The following ADCK5 variants were observed in gnomAD, a reference collection of about 807,000 sequenced individuals.
The protein encoded by ADCK5 is uncharacterized aarF domain-containing protein kinase 5.
A neutral mutation model predicts 64.9 loss-of-function variants in ADCK5; 43 were observed. The ratio of observed to expected loss-of-function variants is 0.66; its 90% CI spans 0.52 to 0.85. The LOEUF (loss-of-function observed/expected upper bound fraction) is 0.85. ADCK5 is among the 40% of genes least tolerant of loss of function. The probability of loss-of-function intolerance (pLI) is 0.00; values close to 1 mark genes in which losing one functional copy is unlikely to be tolerated. For synonymous variants in ADCK5, 434 were observed against 342.8 expected, an observed-to-expected ratio of 1.27 and a Z score of -2.94; for missense variants, 760 against 810.5, an observed-to-expected ratio of 0.94 and a Z score of 0.76.
Position 144,374,064 on chromosome 8 carries a change from CG to C in ADCK5, c.-29del, listed in dbSNP as rs1250394636. 1 of 1,245,988 alleles carries C rather than the reference CG, an allele frequency of 8.0e-7. No individual in the cohort carries two copies. The highest frequency in any genetic ancestry group is 1.6e-5 in the African/African-American group (1 of 64,490). 77.2% of individuals were successfully genotyped at this position (1,245,988 alleles called of 1,614,324 possible). On this transcript the variant is annotated 5_prime_UTR_variant, in exon 1 of 15. Coordinates refer to ENST00000308860, the MANE Select transcript of ADCK5 (RefSeq NM_174922.5). ...TGGGCTGCGAGACGCTAAGCGGCGC[CG>C]GGCGGGAGAAGAGCGGAGCAGTGGT...
Position 144,392,323 on chromosome 8 carries a change from C to T in ADCK5, c.1245C>T (p.His415=), listed in dbSNP as rs1554861135. 3.4e-5 allele frequency: 34 copies of T among 998,492 alleles called. No homozygotes were observed. The highest frequency in any genetic ancestry group is 4.5e-5 in the Non-Finnish European group (32 of 717,098). 61.9% of individuals were successfully genotyped at this position (998,492 alleles called of 1,614,324 possible). Residue 415 remains histidine, a synonymous_variant, in exon 12 of 15, where the codon CAC becomes CAT. Transcript: ENST00000308860. ...ILRDDAAMRA[H]AAALGVQDYL... is the part of the protein sequence containing the mutation. ...GGGACGACGCCGCCATGAGGGCGCA[C>T]GCAGCCGCACTGGGGGTGCAAGGTG...
chr8:144,373,832 G>C (rs1257116535), upstream of ADCK5: 2 of 367,134 alleles, frequency 5.4e-6, no homozygotes, highest in Non-Finnish European at 4.8e-6. Context: ...GGAATGCGCA[G>C]TGCGCCGAGG....
Position 144,379,496 on chromosome 8 carries a change from G to T in ADCK5, c.116+6G>T, listed in dbSNP as rs782754087. The T allele has an allele frequency of 1.9e-6, 3 of 1,593,582 alleles. No individual in the cohort carries two copies. The highest frequency in any genetic ancestry group is 1.1e-5 in the South Asian group (1 of 89,030). Reference sequence around the variant, plus strand: ...GTCAGGGGCCTTCCTCCAAGGTAACGAGTCCTCCACGGGCATGCGCCTCTC... The same window carrying T: ...GTCAGGGGCCTTCCTCCAAGGTAACTAGTCCTCCACGGGCATGCGCCTCTC... On this transcript the variant is annotated splice_donor_region_variant and intron_variant, in intron 2 of 14. Transcript: ENST00000308860.
Position 144,383,238 on chromosome 8 carries a change from G to T in ADCK5, c.266+8G>T, listed in dbSNP as rs1554858681. 3.2e-6 allele frequency: 5 copies of T among 1,561,760 alleles called. No individual in the cohort carries two copies. Among genetic ancestry groups the T allele is most frequent in the Non-Finnish European group, 4.3e-6 (5 of 1,152,644 alleles). On this transcript the variant is annotated splice_region_variant and intron_variant, in intron 3 of 14. Transcript: ENST00000308860. ...CATGGGGCGCTTTGGCAGGTAGGAGGGCCTGGCGGCAGGCAGGGGTTGCGG... is the reference window on the plus strand; with the variant it reads ...CATGGGGCGCTTTGGCAGGTAGGAGTGCCTGGCGGCAGGCAGGGGTTGCGG...
chr8:144,392,414 C>CCCCGA, intron 12 of ADCK5, 31 bp from the exon 13 acceptor site: 2 of 1,435,492 alleles, frequency 1.4e-6, no homozygotes, highest in Non-Finnish European at 1.8e-6. Context: ...CACTCAGAGC[C>CCCCGA]CCCTCCCTCC....
chr8:144,387,975 G>A (rs994446321), intron 3 of ADCK5, among the ~76,000 whole-genome samples: 56 of 146,744 alleles, frequency 3.8e-4, no homozygotes, highest in Non-Finnish European at 7.2e-4. Flanking sequence ...CAGGGGATCC[G>A]CCCGCCTTGG....
chr8:144,392,807 G>T lies in ADCK5; in HGVS notation c.1552G>T (p.Ala518Ser). Reference sequence around the variant, plus strand: ...CCGGGGCTGGAGCCGCCTGGCGGGCGCCACGTATCGGGGTGTCTACGGCAC... The same window carrying T: ...CCGGGGCTGGAGCCGCCTGGCGGGCTCCACGTATCGGGGTGTCTACGGCAC... The part of the protein sequence containing the change: ...AVRGWSRLAG[A>S]TYRGVYGTSL... Residue 518 changes from alanine (A) to serine (S), a missense_variant, in exon 14 of 15, where the codon GCC becomes TCC. Around this residue, in one of 2 missense-constraint regions of ADCK5, gnomAD observed 333 missense variants for 292.0 expected, o/e 1.14. Coordinates refer to ENST00000308860, the MANE Select transcript of ADCK5 (RefSeq NM_174922.5). 1.9e-6 allele frequency: 3 copies of T among 1,591,486 alleles called. No individual in the cohort carries two copies. Among genetic ancestry groups the T allele is most frequent in the Non-Finnish European group, 1.7e-6 (2 of 1,173,530 alleles).
chr8:144,376,578 G>A lies in ADCK5; in HGVS notation c.12+2471G>A, dbSNP rs1819375770. Among the ~76,000 whole-genome samples, 1 of 152,220 alleles carries A rather than the reference G, an allele frequency of 6.6e-6. No homozygotes were observed. The highest frequency in any genetic ancestry group is 2.4e-5 in the African/African-American group (1 of 41,444). Reference sequence around the variant, plus strand: ...AAACTGTTGTTGGAGACAGCAGTCAGCCAGCCATGACTTTCCTGGCCTCAC... The same window carrying A: ...AAACTGTTGTTGGAGACAGCAGTCAACCAGCCATGACTTTCCTGGCCTCAC... On this transcript the variant is annotated intron_variant, in intron 1 of 14. Coordinates refer to ENST00000308860, the MANE Select transcript of ADCK5 (RefSeq NM_174922.5). The surrounding 1 kb of genome is among the most constrained non-coding windows in gnomAD (Gnocchi z 5.1).
rs1337257231 is a variant in ADCK5 at position 144,391,810 on chromosome 8, G to A, written c.958G>A (p.Gly320Ser). The part of the protein sequence containing the change: ...KRVLTADFCA[G>S]CKVNDVEAIR... Reference sequence around the variant, plus strand: ...CGTGCTCACTGCCGACTTCTGCGCCGGCTGCAAGGTCAACGATGTGGAGGC... The same window carrying A: ...CGTGCTCACTGCCGACTTCTGCGCCAGCTGCAAGGTCAACGATGTGGAGGC... Residue 320 changes from glycine (G) to serine (S), a missense_variant, in exon 9 of 15, where the codon GGC becomes AGC. Gly to Ser is a moderately conservative substitution (Grantham distance 56, BLOSUM62 0). This residue lies in a region of ADCK5 where 427 missense variants were observed against 518.4 expected (regional missense o/e 0.82). Transcript: ENST00000308860. 1 of 1,571,112 alleles carries A rather than the reference G, an allele frequency of 6.4e-7. No individual in the cohort carries two copies. Among genetic ancestry groups the A allele is most frequent in the Admixed American group, 1.8e-5 (1 of 55,962 alleles).
chr8:144,389,537 T>A (rs533524752), intron 3 of ADCK5, among the ~76,000 whole-genome samples: 1 of 152,316 alleles, frequency 6.6e-6, no homozygotes, highest in Non-Finnish European at 1.5e-5. Flanking sequence ...ATTCTGCAGA[T>A]CTTTTTTTGT....
chr8:144,390,523 G>C, intron 3 of ADCK5, 148 bp from the exon 4 acceptor site: 1 of 822,262 alleles, frequency 1.2e-6, no homozygotes, highest in South Asian at 1.5e-5. Context: ...GGCCTACGCG[G>C]CTGTAGGCTG....
rs1378984660 is a variant in ADCK5, at chr8:144,390,721, A to G, written c.317A>G (p.Asn106Ser). ...QISLDYWWCTNVVLRGVEENS... is the reference protein window; with the variant it reads ...QISLDYWWCTSVVLRGVEENS... Reference sequence around the variant, plus strand: ...TCCCTGGACTACTGGTGGTGCACCAATGTTGTCCTTCGAGGGGTGGAAGAG... The same window carrying G: ...TCCCTGGACTACTGGTGGTGCACCAGTGTTGTCCTTCGAGGGGTGGAAGAG... The change falls in exon 4 of 15, where the codon AAT (asparagine) becomes AGT (serine). Residue 106 changes from asparagine (N) to serine (S), a missense_variant. Around this residue, in one of 2 missense-constraint regions of ADCK5, gnomAD observed 427 missense variants for 518.4 expected, o/e 0.82. Transcript: ENST00000308860. 1.2e-6 allele frequency: 2 copies of G among 1,613,730 alleles called. No homozygotes were observed. Among genetic ancestry groups the G allele is most frequent in the East Asian group, 2.2e-5 (1 of 44,886 alleles).
At chr8:144,383,421 G>T (rs906385650) in intron 3 of ADCK5, among the ~76,000 whole-genome samples, 191 bp downstream of exon 3, 1 of 152,196 alleles carries the variant, frequency 6.6e-6, no homozygotes, top group Non-Finnish European at 1.5e-5. Flanking sequence ...TGAAGGGACA[G>T]TGAGCACTGG....
chr8:144,388,888 T>G (rs112801072), intron 3 of ADCK5, among the ~76,000 whole-genome samples: 4,627 of 151,628 alleles, frequency 0.031, 234 homozygotes, highest in African/African-American at 0.11. Flanking sequence ...GGACACAGAG[T>G]CCACCTGAGC....
rs782782811 is a variant in ADCK5 at position 144,383,157 on chromosome 8, C to T, written c.193C>T (p.Arg65Cys). ...GGGGGCGCCCCTGCTCCTCGGAGCCCGCTATGTCATGGCAGAGGCACGGGA... is the reference window on the plus strand; with the variant it reads ...GGGGGCGCCCCTGCTCCTCGGAGCCTGCTATGTCATGGCAGAGGCACGGGA... ...VVGAPLLLGA[R>C]YVMAEAREKR... is the part of the protein sequence containing the mutation. The change falls in exon 3 of 15, where the codon CGC becomes TGC. Residue 65 changes from arginine to cysteine, a missense_variant. By Grantham distance (180) the Arg-to-Cys change is radical. Coordinates refer to ENST00000308860, the MANE Select transcript of ADCK5 (RefSeq NM_174922.5). 66 of 1,597,022 alleles carry T rather than the reference C, an allele frequency of 4.1e-5. No individual in the cohort carries two copies. The highest frequency in any genetic ancestry group is 1.7e-4 in the Middle Eastern group (1 of 6,008).
At chr8:144,388,528 G>T (rs188272269) in intron 3 of ADCK5, among the ~76,000 whole-genome samples, 1 of 152,018 alleles carries the variant, frequency 6.6e-6, no homozygotes, top group Admixed American at 6.6e-5. Flanking sequence ...ACTTTGGGAG[G>T]CCAAGGTGGG....
At chr8:144,382,269 G>A (rs181602077) in intron 2 of ADCK5, among the ~76,000 whole-genome samples, 12 of 152,206 alleles carry the variant, frequency 7.9e-5, no homozygotes, top group African/African-American at 2.4e-4. Flanking sequence ...GGCACCTGCC[G>A]CACTCAGGAT....
rs1247406345 is a variant in ADCK5 at position 144,393,079 on chromosome 8, CAGCCGCCCAG to C, written c.*6_*15del. On this transcript the variant is annotated 3_prime_UTR_variant, in exon 15 of 15. Transcript: ENST00000308860. Reference sequence around the variant, plus strand: ...TACCAGTACCTGGAGACCTAGGGTGCAGCCGCCCAGGGCCGGCGGGGCCCTTTTCACCTTG... The same window carrying C: ...TACCAGTACCTGGAGACCTAGGGTGCGGCCGGCGGGGCCCTTTTCACCTTG... The C allele has an allele frequency of 4.5e-6, 7 of 1,561,284 alleles. No homozygotes were observed. In the East Asian group the frequency reaches 1.6e-4, roughly 37 times the overall value.
At chr8:144,375,708 G>C in intron 1 of ADCK5, 1 of 962,528 alleles carries the variant, frequency 1.0e-6, no homozygotes, top group Non-Finnish European at 1.2e-6. Flanking sequence ...ACTCTGGAAC[G>C]GGAGGTGTTT....
Sources: allele counts gnomAD v4.1 joint callset (sites outside exome capture counted in the v4.1 genomes callset), GRCh38; gene constraint gnomAD v4.1.1; regional missense constraint gnomAD v4.1.1; non-coding constraint Gnocchi (gnomAD v3.1); transcripts MANE v1.5; gene names NCBI Gene and HGNC (gene_info 2026-07-23, HGNC 2026-07-21).